Variants in HDX observed in about 807,000 individuals in gnomAD.
HDX encodes chromosome X open reading frame 43.
HDX carries 19 observed loss-of-function variants against 45.2 expected under a neutral mutation model. The observed-to-expected ratio is 0.42, with a 90% confidence interval of 0.29 to 0.62. HDX has a LOEUF of 0.62. Among genes scored for constraint, HDX ranks in the 20% least tolerant of loss-of-function variants. The pLI is 0.20. For synonymous variants in HDX, 188 were observed against 172.8 expected, an observed-to-expected ratio of 1.09 and a Z score of -0.69; for missense variants, 532 against 493.9, an observed-to-expected ratio of 1.08 and a Z score of -0.73.
intron 4 of HDX, among the ~76,000 whole-genome samples, chrX:84,450,820 T>C (rs1052092496): frequency 8.9e-6 from 1 of 112,183 alleles, no homozygotes; most frequent in Non-Finnish European, 1.9e-5. Flanking sequence ...AACAACCACT[T>C]TTTTAAATTA....
intron 5 of HDX, among the ~76,000 whole-genome samples, chrX:84,368,286 G>A (rs151153278): frequency 0.11 from 12,676 of 110,767 alleles, 643 homozygotes; most frequent in East Asian, 0.28. Context: ...CCTAGTTACC[G>A]GAACTGTACT....
chrX:84,431,707 T>TTAAG (rs1409464425), intron 5 of HDX, among the ~76,000 whole-genome samples: 1 of 111,619 alleles, frequency 9.0e-6, no homozygotes, highest in Non-Finnish European at 1.9e-5. Context: ...ATAAACTTGT[T>TTAAG]TAAGTTCCTT....
At chrX:84,350,844 G>A (rs972660817) in intron 6 of HDX, among the ~76,000 whole-genome samples, 4 of 111,498 alleles carry the variant, frequency 3.6e-5, no homozygotes, top group Non-Finnish European at 7.5e-5. Flanking sequence ...CTATGTTAAA[G>A]CGTCAATATG....
intron 5 of HDX, among the ~76,000 whole-genome samples, chrX:84,398,578 T>C (rs969959458): frequency 8.9e-6 from 1 of 111,827 alleles, no homozygotes; most frequent in African/African-American, 3.3e-5. Context: ...AACAAGTTCT[T>C]AGAGACCTAC....
intron 4 of HDX, among the ~76,000 whole-genome samples, chrX:84,467,272 G>C (rs1233946900): frequency 1.8e-5 from 2 of 111,090 alleles, no homozygotes; most frequent in Non-Finnish European, 3.8e-5. Flanking sequence ...CCTTAAACTG[G>C]TTCAGAACAG....
At chrX:84,436,403 A>T (rs1005416680) in intron 5 of HDX, among the ~76,000 whole-genome samples, 1 of 110,921 alleles carries the variant, frequency 9.0e-6, no homozygotes, top group African/African-American at 3.3e-5. Flanking sequence ...AAAAAAAAAG[A>T]AAAATGCATT....
rs765834436 is a variant in HDX at position 84,469,392 on chromosome X, A to G, written c.331T>C (p.Tyr111His). The G allele has an allele frequency of 2.9e-5, 35 of 1,209,216 alleles. No homozygotes were observed. The highest frequency in any genetic ancestry group is 3.9e-5 in the Non-Finnish European group (35 of 893,515). The change falls in exon 4 of 11, where the codon TAC becomes CAC. Residue 111 changes from tyrosine (Y) to histidine (H), a missense_variant. Tyr to His is a moderately conservative substitution (Grantham distance 83, BLOSUM62 2). Around this residue, in one of 3 missense-constraint regions of HDX, gnomAD observed 376 missense variants for 343.7 expected, o/e 1.09. Coordinates refer to ENST00000373177, the MANE Select transcript of HDX (RefSeq NM_001177479.2). Reference protein sequence around the residue: ...ANNDVIVTGIYSPASSSSRQG... With the variant: ...ANNDVIVTGIHSPASSSSRQG... ...CTACTTGATGAACTGGCTGGACTGT[A>G]TATACCAGTTACAATGACATCATTA...
intron 1 of HDX, among the ~76,000 whole-genome samples, chrX:84,495,858 A>G (rs1239488190): frequency 9.0e-6 from 1 of 111,513 alleles, no homozygotes; most frequent in Non-Finnish European, 1.9e-5. Context: ...TTTTAACCCA[A>G]AAAGACCCAT....
chrX:84,452,584 A>G (rs1337275417), intron 4 of HDX, among the ~76,000 whole-genome samples: 2 of 110,997 alleles, frequency 1.8e-5, no homozygotes, highest in Non-Finnish European at 3.8e-5. Flanking sequence ...ACCTGACTTG[A>G]AAATACATGA....
chrX:84,325,641 A>T (rs1204252784), intron 10 of HDX, among the ~76,000 whole-genome samples: 1 of 111,940 alleles, frequency 8.9e-6, no homozygotes, highest in Non-Finnish European at 1.9e-5. Flanking sequence ...AAATACTCAA[A>T]TACTTAAATT....
intron 5 of HDX, among the ~76,000 whole-genome samples, chrX:84,418,779 A>G (rs1201980928): frequency 9.0e-6 from 1 of 111,421 alleles, no homozygotes; most frequent in African/African-American, 3.3e-5. Flanking sequence ...GGGAAGGCAC[A>G]TGACATACTG....
intron 5 of HDX, among the ~76,000 whole-genome samples, chrX:84,431,800 G>C (rs1225787339): frequency 9.0e-6 from 1 of 111,130 alleles, no homozygotes; most frequent in Non-Finnish European, 1.9e-5. Flanking sequence ...TGTTTACTCT[G>C]TTGAAAGTTC....
chrX:84,341,263 C>T (rs1737085169), intron 7 of HDX, among the ~76,000 whole-genome samples: 1 of 111,023 alleles, frequency 9.0e-6, no homozygotes, highest in Non-Finnish European at 1.9e-5. Flanking sequence ...ATTTAGTAAA[C>T]ACTAACCAAT....
chrX:84,402,015 T>C (rs1174733652), intron 5 of HDX, among the ~76,000 whole-genome samples: 1 of 110,626 alleles, frequency 9.0e-6, no homozygotes, highest in East Asian at 2.9e-4. Flanking sequence ...GACACAGGGA[T>C]GGGAACAACA....
intron 6 of HDX, among the ~76,000 whole-genome samples, chrX:84,354,421 G>A (rs1238275922): frequency 9.0e-6 from 1 of 111,127 alleles, no homozygotes; most frequent in Non-Finnish European, 1.9e-5. Context: ...TTTTCTGTTA[G>A]ATATTCATTC....
At chrX:84,374,136 T>G (rs1252083461) in intron 5 of HDX, among the ~76,000 whole-genome samples, 1 of 111,169 alleles carries the variant, frequency 9.0e-6, no homozygotes, top group Non-Finnish European at 1.9e-5. Context: ...GAGAGCCAAA[T>G]CATGAGTGAA....
At chrX:84,442,011 A>G (rs866815477) in intron 4 of HDX, among the ~76,000 whole-genome samples, 1 of 110,963 alleles carries the variant, frequency 9.0e-6, no homozygotes, top group Admixed American at 9.6e-5. Context: ...ATGCTACTCT[A>G]ATGGGATTTT....
intron 6 of HDX, among the ~76,000 whole-genome samples, chrX:84,356,469 C>T (rs750991537): frequency 3.6e-5 from 4 of 110,757 alleles, no homozygotes; most frequent in South Asian, 3.8e-4. Context: ...TCACAGATTA[C>T]GATCTTTGTG....
In HDX at chrX:84,469,454, C is replaced by G. The variant is rs1373098162; in HGVS notation, c.269G>C (p.Arg90Pro). 1 of 1,210,972 alleles carries G rather than the reference C, an allele frequency of 8.3e-7. No individual in the cohort carries two copies. The highest frequency in any genetic ancestry group is 1.1e-6 in the Non-Finnish European group (1 of 895,211). ...CCAAGAAGACTGCTGGCTTGAGGGT[C>G]GAGCAATATTAACCACATTTCTGAC... is the stretch of plus-strand genomic sequence containing the variant. ...ITVRNVVNIARPSSQQSSWTS... is the reference protein window; with the variant it reads ...ITVRNVVNIAPPSSQQSSWTS... Residue 90 changes from arginine (R) to proline (P), a missense_variant, in exon 4 of 11, where the codon CGA (arginine) becomes CCA (proline). Arg to Pro is a moderately radical substitution (Grantham distance 103). Coordinates refer to ENST00000373177, the MANE Select transcript of HDX (RefSeq NM_001177479.2).
Sources: gnomAD v4.1 joint callset for allele counts (sites outside exome capture counted in the v4.1 genomes callset) on GRCh38, gnomAD v4.1.1 for gene constraint, gnomAD v4.1.1 regional missense constraint, MANE v1.5 for transcripts, NCBI Gene and HGNC (gene_info 2026-07-23, HGNC 2026-07-21) for gene names.